OTOF: variants seen among roughly 807,000 people sequenced by gnomAD.
The protein encoded by OTOF is fer-1-like family member 2.
In OTOF, 218 loss-of-function variants were observed where a neutral mutation model predicts 236.8. The observed-to-expected ratio is 0.92, with a 90% CI of 0.82 to 1.03. The LOEUF (loss-of-function observed/expected upper bound fraction) is 1.03, where lower values mean the gene tolerates loss of function less well. Among genes scored for constraint, OTOF ranks in the 50% least tolerant of loss-of-function variants. The pLI, the probability that OTOF is intolerant of heterozygous loss-of-function variation, is 0.00. For missense variants in OTOF, 2,590 were observed against 2,694.4 expected (o/e 0.96, Z 0.86); for synonymous variants, 1,041 against 1,072.5 (o/e 0.97, Z 0.57).
intron 6 of OTOF, among the ~76,000 whole-genome samples, chr2:26,503,455 T>C (rs1666170150): frequency 6.6e-6 from 1 of 152,210 alleles, no homozygotes; most frequent in Non-Finnish European, 1.5e-5. Context: ...AAATAGGGAG[T>C]TGGCCAAACA....
At chr2:26,476,452 G>A (rs574830833) in intron 22 of OTOF, 135 bp from the exon 23 acceptor site, 9 of 791,810 alleles carry the variant, frequency 1.1e-5, no homozygotes, top group Admixed American at 2.2e-5. Flanking sequence ...GCTGGGGTCC[G>A]GTGGAGGCAG....
Position 26,471,163 on chromosome 2 carries a change from C to G in OTOF, c.3865-13G>C. On this transcript the variant is annotated splice_polypyrimidine_tract_variant and intron_variant, in intron 30 of 46. Transcript: ENST00000272371. The stretch of plus-strand genomic sequence containing the variant: ...CAGCTTCAGAAGTCTGCAGAGGAAC[C>G]AAGGAGACAGGGGCAGAATCAGCCA... 1.2e-6 allele frequency: 2 copies of G among 1,614,072 alleles called. No homozygotes were observed. Among genetic ancestry groups the G allele is most frequent in the Non-Finnish European group, 1.7e-6 (2 of 1,179,990 alleles).
rs559236163 is a variant in OTOF at position 26,481,154 on chromosome 2, T to C, written c.1580-145A>G. On this transcript the variant is annotated intron_variant, in intron 14 of 46. Transcript: ENST00000272371. ...TGTGCCATTCAGGTGTGGGGCAGCC[T>C]TCTTACACTGCGCTGGGGTGGAGCA... The C allele has an allele frequency of 9.1e-6, 6 of 656,996 alleles. No individual in the cohort carries two copies. In the South Asian group the frequency reaches 1.1e-4, roughly 12 times the overall value. The allele number at this position is 656,996 out of a possible 1,614,324, so 40.7% of individuals were successfully genotyped here.
chr2:26,465,526 G>A (rs367900830), intron 38 of OTOF, 146 bp downstream of exon 38: 1 of 804,156 alleles, frequency 1.2e-6, no homozygotes, highest in South Asian at 1.6e-5. Flanking sequence ...CCTGAAGACT[G>A]TGCCCAGGGA....
chr2:26,474,814 T>C, intron 25 of OTOF, 140 bp from the exon 26 acceptor site: 1 of 939,876 alleles, frequency 1.1e-6, no homozygotes, highest in Non-Finnish European at 1.7e-6. Context: ...AAACCAAGTC[T>C]CAGGGCCCAC....
At position 26,537,760 on chromosome 2, in the gene OTOF, A is replaced by T. The variant is rs755070380; in HGVS notation, c.94T>A (p.Ser32Thr). Reference protein sequence around the residue: ...KVTFRGQSFYSRVLENCEDVA... With the variant: ...KVTFRGQSFYTRVLENCEDVA... ...TCCTCACAGTTCTCCAGGACCCGAG[A>T]GTAGAAGGATTGCCCTGTGGGGAAA... Residue 32 changes from serine to threonine, a missense_variant, in exon 2 of 47, where the codon TCT becomes ACT. Coordinates refer to ENST00000272371, the MANE Select transcript of OTOF (RefSeq NM_194248.3). 2.6e-6 allele frequency: 4 copies of T among 1,554,422 alleles called. No individual in the cohort carries two copies. The South Asian group carries it at 4.8e-5, about 18-fold the overall frequency.
chr2:26,460,925 A>G lies in OTOF; in HGVS notation c.5639T>C (p.Ile1880Thr), dbSNP rs1360429926. The change falls in exon 44 of 47, where the codon ATC becomes ACC. Residue 1880 changes from isoleucine (I) to threonine (T), a missense_variant. Transcript: ENST00000272371. This position sits in a 1 kb window ranked among gnomAD's most constrained non-coding sequence, Gnocchi z 5.3. ...TGEVDVPLVSIFKQKRVKGWW... is the reference protein window; with the variant it reads ...TGEVDVPLVSTFKQKRVKGWW... Reference sequence around the variant, plus strand: ...GCCTTTGACGCGCTTTTGCTTGAAGATGGACACGAGGGGCACGTCCACCTC... The same window carrying G: ...GCCTTTGACGCGCTTTTGCTTGAAGGTGGACACGAGGGGCACGTCCACCTC... The G allele has an allele frequency of 1.9e-6, 3 of 1,614,062 alleles. No homozygotes were observed. Among genetic ancestry groups the G allele is most frequent in the Admixed American group, 3.3e-5 (2 of 60,016 alleles).
chr2:26,461,974 G>A lies in OTOF; in HGVS notation c.5292-37C>T. 1 of 1,613,674 alleles carries A rather than the reference G, an allele frequency of 6.2e-7. No individual in the cohort carries two copies. On this transcript the variant is annotated intron_variant, in intron 42 of 46. Coordinates refer to ENST00000272371, the MANE Select transcript of OTOF (RefSeq NM_194248.3). The surrounding 1 kb of genome is among the most constrained non-coding windows in gnomAD (Gnocchi z 6.2). ...ACATCTCCAGACCCGCAGCCAGGCT[G>A]GTGGGGCCTCTCCCACCCACAGCCA...
In OTOF at chr2:26,477,095, G is replaced by C. The variant is rs1665339245; in HGVS notation, c.2524-52C>G. The C allele has an allele frequency of 6.5e-7, 1 of 1,547,718 alleles. No homozygotes were observed. Among genetic ancestry groups the C allele is most frequent in the African/African-American group, 1.4e-5 (1 of 73,978 alleles). On this transcript the variant is annotated intron_variant, in intron 21 of 46. Transcript: ENST00000272371. The surrounding 1 kb of genome is among the most constrained non-coding windows in gnomAD (Gnocchi z 4.7). The stretch of plus-strand genomic sequence containing the variant: ...AGTGGGTAAGGGGGTCTAGCCTCCT[G>C]ATTGAGCCCCCTGATCCTGAGGGGC...
intron 1 of OTOF, among the ~76,000 whole-genome samples, chr2:26,543,029 T>C (rs1293506455): frequency 6.6e-6 from 1 of 152,190 alleles, no homozygotes; most frequent in African/African-American, 2.4e-5. Context: ...AGCCTTGTTG[T>C]ATGCACTGCC....
chr2:26,461,104 C>CTCTTATACACATCTGACGCTG lies in OTOF; in HGVS notation c.5534-75_5534-74insCAGCGTCAGATGTGTATAAGA. 1 of 1,141,242 alleles carries CTCTTATACACATCTGACGCTG rather than the reference C, an allele frequency of 8.8e-7. No homozygotes were observed. 70.7% of individuals were successfully genotyped at this position (1,141,242 alleles called of 1,614,324 possible). ...CGGGGTGGGGGTGGGGGTCTGGGCT[C>CTCTTATACACATCTGACGCTG]CTCGGCCCCTTGTTTGCTGAGTGCA... On this transcript the variant is annotated intron_variant, in intron 43 of 46. Coordinates refer to ENST00000272371, the MANE Select transcript of OTOF (RefSeq NM_194248.3). The surrounding 1 kb of genome is among the most constrained non-coding windows in gnomAD (Gnocchi z 6.2).
chr2:26,554,486 G>C (rs988065563), intron 1 of OTOF, among the ~76,000 whole-genome samples: 3 of 148,824 alleles, frequency 2.0e-5, no homozygotes, highest in Non-Finnish European at 2.9e-5. Flanking sequence ...GGTGTGGCCA[G>C]TTTCTGAAAT....
At chr2:26,495,443 T>C (rs1017258597) in intron 8 of OTOF, among the ~76,000 whole-genome samples, 1 of 152,118 alleles carries the variant, frequency 6.6e-6, no homozygotes, top group African/African-American at 2.4e-5. Context: ...TTTTATTTTT[T>C]TGATGGAGTC....
At chr2:26,514,201 G>A (rs1666461812) in intron 5 of OTOF, among the ~76,000 whole-genome samples, 1 of 152,290 alleles carries the variant, frequency 6.6e-6, no homozygotes, top group Admixed American at 6.5e-5. Context: ...GGCAGCCCCA[G>A]TGGCAGCAGG....
At chr2:26,540,416 AG>A (rs1185020591) in intron 1 of OTOF, among the ~76,000 whole-genome samples, 2 of 152,216 alleles carry the variant, frequency 1.3e-5, no homozygotes, top group African/African-American at 4.8e-5. Context: ...GAGCGGCGTC[AG>A]GCCAAGGAGG....
At chr2:26,464,285 C>T (rs1363600833) in intron 39 of OTOF, among the ~76,000 whole-genome samples, 179 bp from the exon 40 acceptor site, 1 of 152,102 alleles carries the variant, frequency 6.6e-6, no homozygotes, top group African/African-American at 2.4e-5. Flanking sequence ...AGGGTCTCAG[C>T]TGCCCCACAG....
intron 8 of OTOF, among the ~76,000 whole-genome samples, chr2:26,497,198 G>A (rs1666010342): frequency 6.8e-6 from 1 of 146,978 alleles, no homozygotes; most frequent in South Asian, 2.2e-4. Context: ...CACCTCCCGG[G>A]TTCAAGCTAT....
intron 41 of OTOF, 123 bp downstream of exon 41, chr2:26,463,360 C>A: frequency 1.2e-6 from 1 of 801,456 alleles, no homozygotes; most frequent in Non-Finnish European, 2.1e-6. Flanking sequence ...CACACCCAGG[C>A]CCCAGGGATG....
chr2:26,538,400 C>T (rs1204993439), intron 1 of OTOF, among the ~76,000 whole-genome samples: 4 of 152,358 alleles, frequency 2.6e-5, no homozygotes, highest in African/African-American at 7.2e-5. Flanking sequence ...AGTTCCCTCC[C>T]GGGCTCTATT....
Sources: gnomAD v4.1 joint callset for allele counts (sites outside exome capture counted in the v4.1 genomes callset) on GRCh38, gnomAD v4.1.1 for gene constraint, Gnocchi (gnomAD v3.1) non-coding constraint, MANE v1.5 for transcripts, NCBI Gene and HGNC (gene_info 2026-07-23, HGNC 2026-07-21) for gene names.